PDE3A: variants seen among roughly 807,000 people sequenced by gnomAD.
PDE3A encodes the protein phosphodiesterase 3A.
In PDE3A, 43 loss-of-function variants were observed where a neutral mutation model predicts 98.3. The ratio of observed to expected loss-of-function variants is 0.44; its 90% CI spans 0.34 to 0.56. The LOEUF is 0.56. Ranked by LOEUF, PDE3A falls within the 20% of genes least tolerant of loss-of-function variation. The pLI, the probability that PDE3A is intolerant of heterozygous loss-of-function variation, is 0.01. For missense variants in PDE3A, 1,427 were observed against 1,440.7 expected, an observed-to-expected ratio of 0.99 and a Z score of 0.15; for synonymous variants, 663 against 567.9, an observed-to-expected ratio of 1.17 and a Z score of -2.38.
chr12:20,570,268 T>C (rs1942765900), intron 2 of PDE3A, among the ~76,000 whole-genome samples: 1 of 151,480 alleles, frequency 6.6e-6, no homozygotes, highest in East Asian at 1.9e-4. Flanking sequence ...ATTAACTGAA[T>C]GTGATGGTGC....
At chr12:20,407,425 A>G (rs919724477) in intron 1 of PDE3A, among the ~76,000 whole-genome samples, 4 of 152,248 alleles carry the variant, frequency 2.6e-5, no homozygotes, top group Admixed American at 2.0e-4. Flanking sequence ...ATTATTTGAA[A>G]GGCAAAAAAG....
rs924549338 is a variant in PDE3A, at chr12:20,684,309, C to A, written c.*4038C>A. 7.2e-5 allele frequency: 11 copies of A among 152,054 alleles called. No homozygotes were observed. Among genetic ancestry groups the A allele is most frequent in the African/African-American group, 2.7e-4 (11 of 41,410 alleles). The allele number at this position is 152,054 out of a possible 1,614,324, so 9.4% of individuals were successfully genotyped here. The stretch of plus-strand genomic sequence containing the variant: ...GTCTTGTCCTCTTCTGTCATCCTAA[C>A]CCTGATTCTAGTTTAATGCCTTTCC... On this transcript the variant is annotated 3_prime_UTR_variant, in exon 16 of 16. Transcript: ENST00000359062.
intron 1 of PDE3A, among the ~76,000 whole-genome samples, chr12:20,437,607 C>T (rs1488959891): frequency 1.3e-5 from 2 of 151,908 alleles, no homozygotes; most frequent in African/African-American, 4.8e-5. Flanking sequence ...AAGTGAACAC[C>T]GGGAGGGTGC....
At chr12:20,399,182 A>G (rs1400390209) in intron 1 of PDE3A, among the ~76,000 whole-genome samples, 1 of 152,220 alleles carries the variant, frequency 6.6e-6, no homozygotes, top group Non-Finnish European at 1.5e-5. Context: ...ATAATATTCC[A>G]TTATATACGT....
chr12:20,396,498 A>T (rs954587648), intron 1 of PDE3A, among the ~76,000 whole-genome samples: 3 of 152,192 alleles, frequency 2.0e-5, no homozygotes, highest in Non-Finnish European at 4.4e-5. Context: ...ATAATTTATT[A>T]AAAACTTCAA....
chr12:20,473,855 A>G (rs1331048232), intron 1 of PDE3A, among the ~76,000 whole-genome samples: 1 of 152,124 alleles, frequency 6.6e-6, no homozygotes, highest in African/African-American at 2.4e-5. Flanking sequence ...CATTATACGA[A>G]GGTCCTATAA....
chr12:20,402,016 A>G (rs1049152661), intron 1 of PDE3A, among the ~76,000 whole-genome samples: 9 of 152,188 alleles, frequency 5.9e-5, no homozygotes, highest in African/African-American at 1.9e-4. Flanking sequence ...GATGAATGGT[A>G]CTTAGGAATT....
At chr12:20,474,531 A>G (rs1945495465) in intron 1 of PDE3A, among the ~76,000 whole-genome samples, 1 of 152,226 alleles carries the variant, frequency 6.6e-6, no homozygotes. Context: ...CTGGAAGGTC[A>G]TAAGCACGAA....
chr12:20,370,400 GTTTTTTTTGTTTTTTTTT>G (rs906745944), intron 1 of PDE3A, 156 bp downstream of exon 1: 16 of 359,858 alleles, frequency 4.4e-5, no homozygotes, highest in Non-Finnish European at 6.9e-5. Context: ...TTTTTTTTTT[GTTTTTTTTGTTTTTTTTT>G]TTTTGTTTTT....
intron 15 of PDE3A, among the ~76,000 whole-genome samples, 157 bp from the exon 16 acceptor site, chr12:20,679,871 AAT>A (rs1250458990): frequency 9.6e-4 from 100 of 103,844 alleles, no homozygotes; most frequent in Non-Finnish European, 1.2e-3. Context: ...ACAGTATTAT[AAT>A]ATATATATTA....
chr12:20,408,987 C>G (rs1040019254), intron 1 of PDE3A, among the ~76,000 whole-genome samples: 8 of 152,276 alleles, frequency 5.3e-5, no homozygotes, highest in Middle Eastern at 3.4e-3. Context: ...TCCTCTCTCC[C>G]TCCCTTTCTT....
At chr12:20,661,471 T>A (rs925605576) in intron 15 of PDE3A, among the ~76,000 whole-genome samples, 1 of 152,068 alleles carries the variant, frequency 6.6e-6, no homozygotes, top group Non-Finnish European at 1.5e-5. Flanking sequence ...ATGTCAGAGG[T>A]CTTCATGGCA....
chr12:20,616,354 G>T lies in PDE3A; in HGVS notation c.1394G>T (p.Ser465Ile), dbSNP rs753926506. 1.2e-6 allele frequency: 2 copies of T among 1,613,106 alleles called. No homozygotes were observed. Among genetic ancestry groups the T allele is most frequent in the African/African-American group, 2.7e-5 (2 of 74,876 alleles). Residue 465 changes from serine to isoleucine, a missense_variant, in exon 4 of 16, where the codon AGC becomes ATC. Coordinates refer to ENST00000359062, the MANE Select transcript of PDE3A (RefSeq NM_000921.5). ...PAPVRRDRST[S>I]IKLQEAPSSS... ...CCAGTACGGAGAGACCGCAGCACCAGCATCAAACTGCAGGAAGCACCTTCA... is the reference window on the plus strand; with the variant it reads ...CCAGTACGGAGAGACCGCAGCACCATCATCAAACTGCAGGAAGCACCTTCA...
chr12:20,688,415 T>C lies in PDE3A; in HGVS notation c.*8144T>C, dbSNP rs1946039833. ...TTATTTTTTAGCTTAGATACTATGT[T>C]GATGCTCCCTTTTTGCCAGAATTAC... On this transcript the variant is annotated 3_prime_UTR_variant, in exon 16 of 16. Transcript: ENST00000359062. Among the ~76,000 whole-genome samples, 1 of 151,712 alleles carries C rather than the reference T, an allele frequency of 6.6e-6. No individual in the cohort carries two copies. Among genetic ancestry groups the C allele is most frequent in the Admixed American group, 6.6e-5 (1 of 15,184 alleles).
intron 1 of PDE3A, among the ~76,000 whole-genome samples, chr12:20,396,567 A>ATACTAGCT (rs1432928446): frequency 6.6e-6 from 1 of 152,160 alleles, no homozygotes; most frequent in East Asian, 1.9e-4. Flanking sequence ...GAAGACATAC[A>ATACTAGCT]TACTAGCTTA....
chr12:20,552,488 G>C lies in PDE3A; in HGVS notation c.961-4172G>C. The C allele has an allele frequency of 6.2e-7, 1 of 1,613,000 alleles. No homozygotes were observed. The highest frequency in any genetic ancestry group is 8.5e-7 in the Non-Finnish European group (1 of 1,179,626). ...CTGGAAGCCCTGGCCAACCGAGAGCGAGAGAAGGAGAACAGCAAGAGGGAG... is the reference window on the plus strand; with the variant it reads ...CTGGAAGCCCTGGCCAACCGAGAGCCAGAGAAGGAGAACAGCAAGAGGGAG... On this transcript the variant is annotated intron_variant, in intron 1 of 15. Coordinates refer to ENST00000359062, the MANE Select transcript of PDE3A (RefSeq NM_000921.5). This position sits in a 1 kb window ranked among gnomAD's most constrained non-coding sequence, Gnocchi z 5.1.
At chr12:20,400,379 GTTTTTTTTTTTTTTT>G (rs75851941) in intron 1 of PDE3A, among the ~76,000 whole-genome samples, 55,905 of 111,116 alleles carry the variant, frequency 0.5, 13,700 homozygotes, top group East Asian at 0.6. Flanking sequence ...GTTAACATTG[GTTTTTTTTTTTTTTT>G]TTTTTTTTTT....
In PDE3A at chr12:20,370,156, G is replaced by T; in HGVS notation, c.872G>T (p.Arg291Leu). 2 of 1,613,196 alleles carry T rather than the reference G, an allele frequency of 1.2e-6. No individual in the cohort carries two copies. The highest frequency in any genetic ancestry group is 1.7e-6 in the Non-Finnish European group (2 of 1,179,838). ...EDIPVFKRRR[R>L]SSSVVSAEMS... ...ATCCCGGTGTTTAAGAGGAGGAGGC[G>T]GTCCAGCTCCGTCGTGTCCGCCGAG... is the stretch of plus-strand genomic sequence containing the variant. The change falls in exon 1 of 16, where the codon CGG becomes CTG. Residue 291 changes from arginine to leucine, a missense_variant. Arg to Leu is a moderately radical substitution (Grantham distance 102, BLOSUM62 -2). Coordinates refer to ENST00000359062, the MANE Select transcript of PDE3A (RefSeq NM_000921.5).
chr12:20,384,594 ATATAC>A (rs1943717733), intron 1 of PDE3A, among the ~76,000 whole-genome samples: 1 of 151,938 alleles, frequency 6.6e-6, no homozygotes, highest in Non-Finnish European at 1.5e-5. Context: ...GTAGGTAAAC[ATATAC>A]TATGGTGCTT....
Sources: allele counts gnomAD v4.1 joint callset (sites outside exome capture counted in the v4.1 genomes callset), GRCh38; gene constraint gnomAD v4.1.1; non-coding constraint Gnocchi (gnomAD v3.1); transcripts MANE v1.5; gene names NCBI Gene and HGNC (gene_info 2026-07-23, HGNC 2026-07-21).